Variants in HOMER1 observed in about 807,000 individuals in gnomAD.
HOMER1 encodes homer protein homolog 1.
A neutral mutation model predicts 48.9 loss-of-function variants in HOMER1; 3 were observed. That is an observed-to-expected ratio of 0.06 (90% CI 0.03 to 0.16). The LOEUF (loss-of-function observed/expected upper bound fraction) is 0.16. HOMER1 is among the 10% of genes least tolerant of loss of function. The pLI is 1.00. For synonymous variants in HOMER1, 134 were observed against 146.4 expected, an observed-to-expected ratio of 0.92 and a Z score of 0.61; for missense variants, 247 against 411.4, an observed-to-expected ratio of 0.60 and a Z score of 3.46.
At chr5:79,430,836 C>CT (rs1750401620) in intron 5 of HOMER1, among the ~76,000 whole-genome samples, 1 of 138,704 alleles carries the variant, frequency 7.2e-6, no homozygotes, top group Admixed American at 7.9e-5. Context: ...ACTCGGGAAG[C>CT]TGAGGCAGGA....
In HOMER1 at chr5:79,375,903, A is replaced by AT. The variant is rs1748758360; in HGVS notation, c.*105_*106insA. On this transcript the variant is annotated 3_prime_UTR_variant, in exon 9 of 9. Coordinates refer to ENST00000334082, the MANE Select transcript of HOMER1 (RefSeq NM_004272.5). ...TCCTCCTCCTGGAGGAGTGATATTC[A>AT]ATTTTTTTTTTTTTTTTTTTGTGCA... 2.7e-5 allele frequency: 14 copies of AT among 526,586 alleles called. No homozygotes were observed. The highest frequency in any genetic ancestry group is 4.0e-5 in the Admixed American group (1 of 24,746). 32.6% of individuals were successfully genotyped at this position (526,586 alleles called of 1,614,324 possible). A position where few individuals can be genotyped will look rare whatever the true frequency, so the allele number is the denominator to read the frequency against.
chr5:79,436,141 T>A (rs11960445), intron 5 of HOMER1, among the ~76,000 whole-genome samples: 11,834 of 142,874 alleles, frequency 0.083, 1,236 homozygotes, highest in African/African-American at 0.25. Context: ...TCAAAAAAAA[T>A]AAATAAATAA....
chr5:79,502,827 G>A (rs1369283587), intron 1 of HOMER1, among the ~76,000 whole-genome samples: 13 of 152,144 alleles, frequency 8.5e-5, no homozygotes, highest in Admixed American at 8.5e-4. Flanking sequence ...GTCTCGCTCT[G>A]TCGCCCAGGC....
intron 1 of HOMER1, among the ~76,000 whole-genome samples, chr5:79,476,063 A>G (rs1303043990): frequency 6.6e-6 from 1 of 152,166 alleles, no homozygotes; most frequent in Non-Finnish European, 1.5e-5. Context: ...GAAATATTAT[A>G]CCTGACAACA....
At chr5:79,501,295 T>A (rs566609411) in intron 1 of HOMER1, among the ~76,000 whole-genome samples, 1 of 152,184 alleles carries the variant, frequency 6.6e-6, no homozygotes, top group Non-Finnish European at 1.5e-5. Context: ...CACTTTCTTT[T>A]CTTTAGCTTA....
chr5:79,461,444 A>G (rs2112309456), intron 1 of HOMER1, among the ~76,000 whole-genome samples: 1 of 152,338 alleles, frequency 6.6e-6, no homozygotes, highest in South Asian at 2.1e-4. Context: ...GTGTGTTTAT[A>G]TTGAACAACA....
chr5:79,404,735 G>A lies in HOMER1; in HGVS notation c.528-2680C>T, dbSNP rs986837237. On this transcript the variant is annotated intron_variant, in intron 5 of 8. Transcript: ENST00000334082. ...CTTTCTTTCTTTGAGATGGAGTTTC[G>A]CTCTTGTTGCCCAGGCTGGAGTGCA... is the stretch of plus-strand genomic sequence containing the variant. 4.5e-4 allele frequency among the ~76,000 whole-genome samples: 68 copies of A among 151,706 alleles called. 1 individual carries two copies. Among genetic ancestry groups the A allele is most frequent in the Admixed American group, 1.3e-4 (2 of 15,208 alleles).
At chr5:79,443,818 A>G (rs1014078617) in intron 4 of HOMER1, among the ~76,000 whole-genome samples, 2 of 152,152 alleles carry the variant, frequency 1.3e-5, no homozygotes, top group African/African-American at 4.8e-5. Flanking sequence ...CCCATTATTA[A>G]CCATGACCTG....
chr5:79,432,370 C>T (rs1301022030), intron 5 of HOMER1, among the ~76,000 whole-genome samples: 1 of 152,168 alleles, frequency 6.6e-6, no homozygotes, highest in Non-Finnish European at 1.5e-5. Flanking sequence ...CAAATGACCA[C>T]ACCTGTAATT....
intron 1 of HOMER1, among the ~76,000 whole-genome samples, chr5:79,475,478 A>G (rs190731456): frequency 3.6e-4 from 54 of 151,004 alleles, no homozygotes; most frequent in Admixed American, 4.0e-4. Context: ...CCAGGTGAGA[A>G]GAACAGCAGG....
chr5:79,375,862 T>C lies in HOMER1; in HGVS notation c.*147A>G, dbSNP rs1336364876. The C allele has an allele frequency of 4.3e-6, 2 of 469,196 alleles. No homozygotes were observed. Among genetic ancestry groups the C allele is most frequent in the African/African-American group, 4.0e-5 (2 of 49,714 alleles). 29.1% of individuals were successfully genotyped at this position (469,196 alleles called of 1,614,324 possible). On this transcript the variant is annotated 3_prime_UTR_variant, in exon 9 of 9. Coordinates refer to ENST00000334082, the MANE Select transcript of HOMER1 (RefSeq NM_004272.5). ...CTAAAATTTACAGTGAAATATACAA[T>C]TCCAATTTCAAAAGATCCTCCTCCT...
chr5:79,479,680 G>A (rs1254342007), intron 1 of HOMER1, among the ~76,000 whole-genome samples: 2 of 151,360 alleles, frequency 1.3e-5, no homozygotes, highest in Non-Finnish European at 2.9e-5. Context: ...GAATGAACGT[G>A]TGTTGTTTTA....
In HOMER1 at chr5:79,401,886, G is replaced by A. The variant is rs1410208083; in HGVS notation, c.684+13C>T. The A allele has an allele frequency of 6.2e-7, 1 of 1,613,212 alleles. No individual in the cohort carries two copies. The highest frequency in any genetic ancestry group is 1.1e-5 in the South Asian group (1 of 90,942). ...TAGCCCTAAATCCCTATAGACATCA[G>A]CCCTGAAATTACCCGCTTGTGCAGA... On this transcript the variant is annotated intron_variant, in intron 6 of 8. Coordinates refer to ENST00000334082, the MANE Select transcript of HOMER1 (RefSeq NM_004272.5).
chr5:79,492,935 T>TAA (rs892941208), intron 1 of HOMER1, among the ~76,000 whole-genome samples: 4 of 113,014 alleles, frequency 3.5e-5, no homozygotes, highest in East Asian at 5.6e-4. Context: ...TTTTTTTTTT[T>TAA]AAAGACAGAG....
intron 1 of HOMER1, among the ~76,000 whole-genome samples, chr5:79,502,958 T>G (rs4443404): frequency 0.25 from 37,596 of 151,776 alleles, 4,946 homozygotes; most frequent in African/African-American, 0.29. Flanking sequence ...GCCCGGCTAA[T>G]TTTTTGTATT....
intron 1 of HOMER1, among the ~76,000 whole-genome samples, chr5:79,479,037 C>T (rs1751872630): frequency 6.6e-6 from 1 of 152,092 alleles, no homozygotes; most frequent in South Asian, 2.1e-4. Context: ...GAAAATGACG[C>T]AAGTTTTAAG....
At chr5:79,412,516 C>A (rs1019448697) in intron 5 of HOMER1, among the ~76,000 whole-genome samples, 3 of 152,206 alleles carry the variant, frequency 2.0e-5, no homozygotes, top group Non-Finnish European at 2.9e-5. Flanking sequence ...AAGTCTCAGA[C>A]TGGTTAATGT....
Position 79,492,907 on chromosome 5 carries a change from CTTTTTTTTT to C in HOMER1, c.5+19854_5+19862del, listed in dbSNP as rs558428061. Among the ~76,000 whole-genome samples the C allele has an allele frequency of 5.1e-4, 43 of 84,032 alleles. 1 individual carries two copies. Among genetic ancestry groups the C allele is most frequent in the East Asian group, 4.4e-3 (11 of 2,502 alleles). 55.1% of individuals were successfully genotyped at this position (84,032 alleles called of 152,430 possible). A position where few individuals can be genotyped will look rare whatever the true frequency, so the allele number is the denominator to read the frequency against. ...AGAATGAAGAAAACGAAAACTTTGT[CTTTTTTTTT>C]TTTTTTTTTTTTTTTTTTTAAAGAC... On this transcript the variant is annotated intron_variant, in intron 1 of 8. Coordinates refer to ENST00000334082, the MANE Select transcript of HOMER1 (RefSeq NM_004272.5).
intron 8 of HOMER1, among the ~76,000 whole-genome samples, chr5:79,386,701 C>T (rs920660288): frequency 3.3e-5 from 5 of 152,082 alleles, no homozygotes; most frequent in African/African-American, 1.2e-4. Context: ...ACACAGTCTA[C>T]ACATGTAAAA....
Sources: gnomAD v4.1 joint callset for allele counts (sites outside exome capture counted in the v4.1 genomes callset) on GRCh38, gnomAD v4.1.1 for gene constraint, MANE v1.5 for transcripts, NCBI Gene and HGNC (gene_info 2026-07-23, HGNC 2026-07-21) for gene names.